Variants in IGF2BP1 observed in about 807,000 individuals in gnomAD.
IGF2BP1 encodes insulin like growth factor 2 mRNA binding protein 1.
Under a neutral mutation model 74.9 loss-of-function variants are expected in IGF2BP1, and 11 were observed. The ratio of observed to expected loss-of-function variants is 0.15; its 90% CI spans 0.09 to 0.24. The LOEUF (loss-of-function observed/expected upper bound fraction) is 0.24. Ranked by LOEUF, IGF2BP1 falls within the 10% of genes least tolerant of loss-of-function variation. The pLI is 1.00. For missense variants in IGF2BP1, 440 were observed against 757.4 expected (o/e 0.58, Z 4.92); for synonymous variants, 287 against 281.8 (o/e 1.02, Z -0.18).
intron 2 of IGF2BP1, among the ~76,000 whole-genome samples, chr17:49,011,459 TATC>T (rs1296426962): frequency 2.0e-5 from 3 of 152,232 alleles, no homozygotes; most frequent in East Asian, 1.9e-4. Context: ...CTGAAGGTAT[TATC>T]ATCTTCATCC....
intron 13 of IGF2BP1, 80 bp downstream of exon 13, chr17:49,046,101 C>A (rs775970100): frequency 5.8e-6 from 9 of 1,540,240 alleles, no homozygotes; most frequent in Non-Finnish European, 8.0e-6. Context: ...CTGTACTGCT[C>A]AACCTCAGGA....
At chr17:49,039,503 C>T (rs1380162783) in intron 6 of IGF2BP1, among the ~76,000 whole-genome samples, 1 of 152,098 alleles carries the variant, frequency 6.6e-6, no homozygotes, top group African/African-American at 2.4e-5. Context: ...TCTCAGCTCA[C>T]TGCAGCCTCC....
intron 12 of IGF2BP1, 109 bp downstream of exon 12, chr17:49,045,174 C>T (rs2042096679): frequency 1.2e-6 from 1 of 840,340 alleles, no homozygotes; most frequent in Non-Finnish European, 2.0e-6. Context: ...GTCAAGTCCT[C>T]ATCACATCTT....
intron 2 of IGF2BP1, among the ~76,000 whole-genome samples, chr17:49,015,273 G>GTCA (rs2041683311): frequency 6.6e-6 from 1 of 152,138 alleles, no homozygotes; most frequent in African/African-American, 2.4e-5. Flanking sequence ...TTGCCCGGCC[G>GTCA]TGACCGTATG....
At chr17:49,040,725 C>T (rs538465132) in intron 7 of IGF2BP1, among the ~76,000 whole-genome samples, 6 of 152,316 alleles carry the variant, frequency 3.9e-5, no homozygotes, top group East Asian at 1.9e-4. Flanking sequence ...TATATTAGTA[C>T]ATATGGACAG....
At chr17:49,014,416 C>T (rs574748738) in intron 2 of IGF2BP1, among the ~76,000 whole-genome samples, 1 of 151,866 alleles carries the variant, frequency 6.6e-6, no homozygotes, top group African/African-American at 2.4e-5. Flanking sequence ...GTTCTCTTGG[C>T]CGTCCCCTCC....
intron 5 of IGF2BP1, 99 bp from the exon 6 acceptor site, chr17:49,038,069 T>A: frequency 9.2e-7 from 1 of 1,083,302 alleles, no homozygotes; most frequent in Non-Finnish European, 1.2e-6. Flanking sequence ...TTCTTTAGTG[T>A]GTTCCAAGCT....
chr17:49,016,003 A>G (rs1414328892), intron 2 of IGF2BP1, among the ~76,000 whole-genome samples: 1 of 152,202 alleles, frequency 6.6e-6, no homozygotes, highest in Non-Finnish European at 1.5e-5. Context: ...ATCCAGCCGT[A>G]TGATAGGGCA....
At chr17:48,999,308 A>T (rs935260911) in intron 2 of IGF2BP1, 139 bp downstream of exon 2, 1 of 621,838 alleles carries the variant, frequency 1.6e-6, no homozygotes, top group Non-Finnish European at 2.9e-6. Flanking sequence ...TGTTGGGGGC[A>T]GGGAGGGAAG....
At chr17:48,999,008 C>T (rs1454726748) in intron 1 of IGF2BP1, 101 bp from the exon 2 acceptor site, 1 of 717,620 alleles carries the variant, frequency 1.4e-6, no homozygotes, top group Non-Finnish European at 2.4e-6. Context: ...GATCTCGAAT[C>T]CCAGTAACTC....
chr17:49,032,660 A>T (rs1278985631), intron 5 of IGF2BP1, among the ~76,000 whole-genome samples: 1 of 152,094 alleles, frequency 6.6e-6, no homozygotes, highest in Admixed American at 6.5e-5. Context: ...TAATAATACT[A>T]TGTAAAATCC....
At chr17:49,028,174 CAAAAT>C (rs1233497928) in intron 4 of IGF2BP1, among the ~76,000 whole-genome samples, 1 of 152,112 alleles carries the variant, frequency 6.6e-6, no homozygotes, top group African/African-American at 2.4e-5. Flanking sequence ...AAAAACAAAA[CAAAAT>C]AAGTTTTGTC....
rs1242833183 is a variant in IGF2BP1 at position 49,055,609 on chromosome 17, A to AT, written c.*6167dup. On this transcript the variant is annotated 3_prime_UTR_variant, in exon 15 of 15. Coordinates refer to ENST00000290341, the MANE Select transcript of IGF2BP1 (RefSeq NM_006546.4). ...GCACGTTCAAAATGAATTTCAGCAG[A>AT]TTATGTGTTACCATAATGAATAAAC... 2 of 398,496 alleles carry AT rather than the reference A, an allele frequency of 5.0e-6. No homozygotes were observed. Among genetic ancestry groups the AT allele is most frequent in the African/African-American group, 2.1e-5 (1 of 48,616 alleles). 24.7% of individuals were successfully genotyped at this position (398,496 alleles called of 1,614,324 possible). A position where few individuals can be genotyped will look rare whatever the true frequency, so the allele number is the denominator to read the frequency against.
chr17:49,015,120 G>A (rs772068202), intron 2 of IGF2BP1, among the ~76,000 whole-genome samples: 1 of 152,128 alleles, frequency 6.6e-6, no homozygotes, highest in Non-Finnish European at 1.5e-5. Context: ...TTACAGGCGT[G>A]TGCCACAACA....
At chr17:49,022,115 T>C (rs932919056) in intron 2 of IGF2BP1, among the ~76,000 whole-genome samples, 2 of 152,140 alleles carry the variant, frequency 1.3e-5, no homozygotes, top group Non-Finnish European at 2.9e-5. Flanking sequence ...TCAAGTTTCA[T>C]AGGAGGTAAC....
chr17:49,016,754 C>G (rs1193393638), intron 2 of IGF2BP1, among the ~76,000 whole-genome samples: 1 of 151,640 alleles, frequency 6.6e-6, no homozygotes, highest in Non-Finnish European at 1.5e-5. Context: ...TTTCTGGCCC[C>G]TACCCCTGCC....
intron 2 of IGF2BP1, among the ~76,000 whole-genome samples, chr17:48,999,547 CA>C (rs1413276324): frequency 6.6e-6 from 1 of 151,850 alleles, no homozygotes; most frequent in Non-Finnish European, 1.5e-5. Context: ...AACTTCGTAG[CA>C]GGCCTCATTT....
chr17:49,012,459 T>A (rs956460602), intron 2 of IGF2BP1: 18 of 152,188 alleles, frequency 1.2e-4, no homozygotes, highest in Admixed American at 6.5e-5. Context: ...CCTCCCCATC[T>A]CCAGAAACTT....
At chr17:49,037,579 T>C (rs1006449741) in intron 5 of IGF2BP1, 8 of 182,968 alleles carry the variant, frequency 4.4e-5, no homozygotes, top group Non-Finnish European at 9.0e-5. Context: ...TAAAGATCTT[T>C]TATTTCAAAA....
Sources: allele counts gnomAD v4.1 joint callset (sites outside exome capture counted in the v4.1 genomes callset), GRCh38; gene constraint gnomAD v4.1.1; transcripts MANE v1.5; gene names NCBI Gene and HGNC (gene_info 2026-07-23, HGNC 2026-07-21).